AGPAT3: variants seen among roughly 807,000 people sequenced by gnomAD.
The protein encoded by AGPAT3 is 1-acylglycerol-3-phosphate O-acyltransferase 3, also known as 1-acyl-sn-glycerol-3-phosphate acyltransferase gamma.
Under a neutral mutation model 47.3 loss-of-function variants are expected in AGPAT3, and 5 were observed. The observed-to-expected ratio is 0.11, with a 90% confidence interval of 0.06 to 0.22. The LOEUF is 0.22. Among genes scored for constraint, AGPAT3 ranks in the 10% least tolerant of loss-of-function variants. The pLI is 1.00. For missense variants in AGPAT3, 315 were observed against 493.0 expected (o/e 0.64, Z 3.42); for synonymous variants, 212 against 208.3 (o/e 1.02, Z -0.15).
intron 2 of AGPAT3, among the ~76,000 whole-genome samples, chr21:43,931,715 G>A (rs2146284278): frequency 6.6e-6 from 1 of 152,292 alleles, no homozygotes; most frequent in East Asian, 1.9e-4. Flanking sequence ...TATTCAGACA[G>A]TGCAGCTCCC....
Position 43,954,884 on chromosome 21 carries a change from TG to T in AGPAT3, c.-48-4747del. 2.6e-6 allele frequency: 1 copy of T among 390,054 alleles called. No individual in the cohort carries two copies. Among genetic ancestry groups the T allele is most frequent in the Non-Finnish European group, 3.8e-6 (1 of 263,782 alleles). The allele number at this position is 390,054 out of a possible 1,614,324, so 24.2% of individuals were successfully genotyped here. A position where few individuals can be genotyped will look rare whatever the true frequency, so the allele number is the denominator to read the frequency against. ...AGAAACATGTGCCAGAGGGCAGGCGTGGGCTCTCCGGGGAGTCTCTGCGTAG... is the reference window on the plus strand; with the variant it reads ...AGAAACATGTGCCAGAGGGCAGGCGTGGCTCTCCGGGGAGTCTCTGCGTAG... On this transcript the variant is annotated intron_variant, in intron 2 of 9. Transcript: ENST00000291572. This position sits in a 1 kb window ranked among gnomAD's most constrained non-coding sequence, Gnocchi z 4.0.
chr21:43,955,516 C>G lies in AGPAT3; in HGVS notation c.-48-4118C>G, dbSNP rs1405971245. ...CGATCTCAGCTCACTGCAGCCTCCT[C>G]CTCCCAGGTTCAAGCTATTTTCCTG... On this transcript the variant is annotated intron_variant, in intron 2 of 9. Coordinates refer to ENST00000291572, the MANE Select transcript of AGPAT3 (RefSeq NM_020132.5). This position sits in a 1 kb window ranked among gnomAD's most constrained non-coding sequence, Gnocchi z 4.1. Among the ~76,000 whole-genome samples, 2 of 152,066 alleles carry G rather than the reference C, an allele frequency of 1.3e-5. No homozygotes were observed. Among genetic ancestry groups the G allele is most frequent in the East Asian group, 3.9e-4 (2 of 5,100 alleles).
chr21:43,953,957 C>T (rs1458206611), intron 2 of AGPAT3, among the ~76,000 whole-genome samples: 5 of 152,196 alleles, frequency 3.3e-5, no homozygotes, highest in African/African-American at 4.8e-5. Flanking sequence ...ATGATGGCAT[C>T]GCTGCCCTCC....
chr21:43,910,236 A>G (rs1024891411), intron 2 of AGPAT3, among the ~76,000 whole-genome samples: 2 of 152,104 alleles, frequency 1.3e-5, no homozygotes, highest in Non-Finnish European at 2.9e-5. Context: ...ATGGCAGCCA[A>G]AGGTTTGTGC....
chr21:43,977,147 G>T (rs896586101), intron 7 of AGPAT3, among the ~76,000 whole-genome samples: 9 of 152,166 alleles, frequency 5.9e-5, no homozygotes, highest in African/African-American at 2.2e-4. Flanking sequence ...CTTGTGGGCT[G>T]CTAATCCATT....
intron 7 of AGPAT3, 101 bp downstream of exon 7, chr21:43,971,591 A>G: frequency 9.3e-7 from 1 of 1,075,574 alleles, no homozygotes; most frequent in South Asian, 1.4e-5. Context: ...CCCACGTCCC[A>G]CAGCCCCGCA....
intron 1 of AGPAT3, among the ~76,000 whole-genome samples, chr21:43,899,121 G>A (rs1442448862): frequency 2.0e-5 from 3 of 152,014 alleles, no homozygotes; most frequent in Non-Finnish European, 4.4e-5. Context: ...TGAAGTGCAC[G>A]TACATGAGAA....
intron 7 of AGPAT3, among the ~76,000 whole-genome samples, chr21:43,973,295 G>A (rs1365310829): frequency 1.3e-5 from 2 of 152,358 alleles, no homozygotes; most frequent in Admixed American, 1.3e-4. Flanking sequence ...ACTGACCGGG[G>A]CCCTGGACGG....
At chr21:43,926,119 C>G (rs1350802777) in intron 2 of AGPAT3, among the ~76,000 whole-genome samples, 1 of 152,260 alleles carries the variant, frequency 6.6e-6, no homozygotes, top group African/African-American at 2.4e-5. Flanking sequence ...GCCACTGGAG[C>G]ATTCAGTGGT....
At chr21:43,929,288 G>T (rs922137780) in intron 2 of AGPAT3, among the ~76,000 whole-genome samples, 1 of 152,208 alleles carries the variant, frequency 6.6e-6, no homozygotes, top group African/African-American at 2.4e-5. Flanking sequence ...GCTCTGGGCC[G>T]CATGCGGGCT....
chr21:43,918,058 G>A (rs1272564968), intron 2 of AGPAT3, among the ~76,000 whole-genome samples: 1 of 143,024 alleles, frequency 7.0e-6, no homozygotes, highest in Admixed American at 7.0e-5. Context: ...GGGGTTGTGG[G>A]TGTTGGGGTT....
chr21:43,974,144 C>A (rs67020829), intron 7 of AGPAT3, among the ~76,000 whole-genome samples: 2 of 150,778 alleles, frequency 1.3e-5, no homozygotes, highest in Admixed American at 1.3e-4. Context: ...GTGTGGTGTA[C>A]GTATGTGCAT....
At chr21:43,888,417 G>A (rs1423613691) in intron 1 of AGPAT3, among the ~76,000 whole-genome samples, 1 of 151,954 alleles carries the variant, frequency 6.6e-6, no homozygotes, top group Non-Finnish European at 1.5e-5. Context: ...ATATATGAAA[G>A]CTAATGTATG....
rs892207117 is a variant in AGPAT3 at position 43,964,404 on chromosome 21, C to T, written c.179-3542C>T. On this transcript the variant is annotated intron_variant, in intron 3 of 9. Coordinates refer to ENST00000291572, the MANE Select transcript of AGPAT3 (RefSeq NM_020132.5). ...AGAGATGGGGTTTCACCATGTTGCCCAGACTGGTCTCAAACTCCTGACCTC... is the reference window on the plus strand; with the variant it reads ...AGAGATGGGGTTTCACCATGTTGCCTAGACTGGTCTCAAACTCCTGACCTC... Among the ~76,000 whole-genome samples the T allele has an allele frequency of 2.8e-4, 42 of 151,734 alleles. No individual in the cohort carries two copies. The East Asian group carries it at 6.9e-3, about 25-fold the overall frequency.
At chr21:43,911,259 A>C (rs1569059721) in intron 2 of AGPAT3, among the ~76,000 whole-genome samples, 1 of 152,242 alleles carries the variant, frequency 6.6e-6, no homozygotes, top group Non-Finnish European at 1.5e-5. Context: ...GCACACACAC[A>C]CATGTGCATT....
intron 8 of AGPAT3, among the ~76,000 whole-genome samples, chr21:43,979,313 A>AAG (rs1406101572): frequency 9.0e-4 from 132 of 145,874 alleles, no homozygotes; most frequent in East Asian, 1.6e-3. Context: ...AAAAAAAAAA[A>AAG]AAAGAAAGAA....
chr21:43,902,880 G>T lies in AGPAT3; in HGVS notation c.-111-1077G>T, dbSNP rs186178990. Among the ~76,000 whole-genome samples, 75 of 152,312 alleles carry T rather than the reference G, an allele frequency of 4.9e-4. 1 individual carries two copies. Among genetic ancestry groups the T allele is most frequent in the Non-Finnish European group, 7.4e-5 (5 of 68,026 alleles). ...CTGGGCATGGTGGCATGCACCTGTA[G>T]TCCTAGCTACTTGGGAGGCTGAGGT... On this transcript the variant is annotated intron_variant, in intron 1 of 9. Coordinates refer to ENST00000291572, the MANE Select transcript of AGPAT3 (RefSeq NM_020132.5).
intron 2 of AGPAT3, among the ~76,000 whole-genome samples, chr21:43,909,498 G>A (rs1259274397): frequency 2.6e-5 from 4 of 152,046 alleles, no homozygotes; most frequent in Admixed American, 6.6e-5. Flanking sequence ...GGGTTTCACC[G>A]TGTTAGCCAG....
rs2088407453 is a variant in AGPAT3 at position 43,955,542 on chromosome 21, C to T, written c.-48-4092C>T. On this transcript the variant is annotated intron_variant, in intron 2 of 9. Transcript: ENST00000291572. The surrounding 1 kb of genome is among the most constrained non-coding windows in gnomAD (Gnocchi z 4.1). ...CTCCCAGGTTCAAGCTATTTTCCTG[C>T]CTCGGCCTCCCAAAGTGCTCAGATT... Among the ~76,000 whole-genome samples, 1 of 152,044 alleles carries T rather than the reference C, an allele frequency of 6.6e-6. No individual in the cohort carries two copies. Among genetic ancestry groups the T allele is most frequent in the African/African-American group, 2.4e-5 (1 of 41,422 alleles).
Sources: allele counts gnomAD v4.1 joint callset (sites outside exome capture counted in the v4.1 genomes callset), GRCh38; gene constraint gnomAD v4.1.1; non-coding constraint Gnocchi (gnomAD v3.1); transcripts MANE v1.5; gene names NCBI Gene and HGNC (gene_info 2026-07-23, HGNC 2026-07-21).